PIBF1: variants seen among roughly 807,000 people sequenced by gnomAD.
PIBF1 encodes the protein progesterone-induced-blocking factor 1.
Under a neutral mutation model 112.5 loss-of-function variants are expected in PIBF1, and 90 were observed. That is an observed-to-expected ratio of 0.80 (90% confidence interval 0.67 to 0.95). The LOEUF (loss-of-function observed/expected upper bound fraction) is 0.95. Ranked by LOEUF, PIBF1 falls within the 40% of genes least tolerant of loss-of-function variation. PIBF1 has a pLI of 0.00. For missense variants in PIBF1, 915 were observed against 852.3 expected, an observed-to-expected ratio of 1.07 and a Z score of -0.92; for synonymous variants, 301 against 288.6, an observed-to-expected ratio of 1.04 and a Z score of -0.44.
chr13:72,999,852 T>G (rs779061111), intron 17 of PIBF1, among the ~76,000 whole-genome samples: 1 of 152,180 alleles, frequency 6.6e-6, no homozygotes, highest in Non-Finnish European at 1.5e-5. Flanking sequence ...GAGGATCACC[T>G]GAGGTCAGGA....
At chr13:72,819,358 T>C (rs557412850) in intron 5 of PIBF1, among the ~76,000 whole-genome samples, 10 of 152,134 alleles carry the variant, frequency 6.6e-5, no homozygotes, top group Admixed American at 3.9e-4. Flanking sequence ...TTCAGGAGTA[T>C]GCTTCATTCC....
intron 12 of PIBF1, among the ~76,000 whole-genome samples, chr13:72,915,563 T>C (rs1218282337): frequency 6.6e-6 from 1 of 152,182 alleles, no homozygotes; most frequent in Non-Finnish European, 1.5e-5. Flanking sequence ...CTCTCTCCTC[T>C]GAATTTAGAA....
intron 14 of PIBF1, among the ~76,000 whole-genome samples, chr13:72,955,429 A>G (rs1038973832): frequency 6.6e-6 from 1 of 152,022 alleles, no homozygotes; most frequent in Admixed American, 6.6e-5. Context: ...GCCAACCACC[A>G]CTGAAGTGGG....
At chr13:72,908,829 A>C (rs1204111669) in intron 12 of PIBF1, 148 bp downstream of exon 12, 3 of 567,948 alleles carry the variant, frequency 5.3e-6, no homozygotes, top group Non-Finnish European at 8.9e-6. Flanking sequence ...TGGGCAAATC[A>C]CTTGAGGTCA....
At chr13:72,831,667 G>A (rs560902350) in intron 8 of PIBF1, among the ~76,000 whole-genome samples, 18 of 152,258 alleles carry the variant, frequency 1.2e-4, no homozygotes, top group African/African-American at 4.1e-4. Flanking sequence ...CATTTGCTGA[G>A]GGGTGTTTTA....
chr13:72,821,996 A>G lies in PIBF1; in HGVS notation c.806+14A>G. The stretch of plus-strand genomic sequence containing the variant: ...TAAAGTCAAGAGGTAAGTAGTTAAA[A>G]TGGCTGCAGTAGTAGTTCTCTATTT... On this transcript the variant is annotated intron_variant, in intron 6 of 17. Coordinates refer to ENST00000326291, the MANE Select transcript of PIBF1 (RefSeq NM_006346.4). 6.2e-7 allele frequency: 1 copy of G among 1,601,612 alleles called. No individual in the cohort carries two copies. Among genetic ancestry groups the G allele is most frequent in the Non-Finnish European group, 8.5e-7 (1 of 1,174,456 alleles).
intron 10 of PIBF1, among the ~76,000 whole-genome samples, chr13:72,881,545 G>A (rs561488521): frequency 1.1e-3 from 163 of 151,864 alleles, no homozygotes; most frequent in Non-Finnish European, 1.6e-3. Flanking sequence ...GTGAAACCCC[G>A]TTTCTACTAA....
chr13:72,804,693 G>C (rs970616026), intron 5 of PIBF1, among the ~76,000 whole-genome samples: 4 of 152,164 alleles, frequency 2.6e-5, no homozygotes, highest in African/African-American at 9.7e-5. Flanking sequence ...TGTTTCTGCA[G>C]TTTTCTTAAT....
chr13:72,888,223 C>G (rs1426195474), intron 10 of PIBF1, among the ~76,000 whole-genome samples: 1 of 151,814 alleles, frequency 6.6e-6, no homozygotes, highest in Non-Finnish European at 1.5e-5. Context: ...ATTATGAGGC[C>G]AATTGAAAAT....
intron 8 of PIBF1, 137 bp from the exon 9 acceptor site, chr13:72,835,106 A>G (rs1254085319): frequency 4.5e-6 from 2 of 442,786 alleles, no homozygotes; most frequent in Non-Finnish European, 7.9e-6. Flanking sequence ...AAAACTTTAT[A>G]CTATTAATAG....
chr13:72,962,241 GTA>G (rs1400249954), intron 14 of PIBF1, among the ~76,000 whole-genome samples: 1 of 152,062 alleles, frequency 6.6e-6, no homozygotes, highest in Non-Finnish European at 1.5e-5. Context: ...AAATAAAATT[GTA>G]TATAGTACAC....
chr13:73,013,211 G>A (rs2044262395), intron 17 of PIBF1, among the ~76,000 whole-genome samples: 1 of 147,410 alleles, frequency 6.8e-6, no homozygotes, highest in Admixed American at 6.8e-5. Context: ...TGAGGCAGGA[G>A]AATGGCGTGA....
intron 2 of PIBF1, among the ~76,000 whole-genome samples, chr13:72,790,273 T>G (rs996538959): frequency 6.6e-6 from 1 of 152,152 alleles, no homozygotes; most frequent in Non-Finnish European, 1.5e-5. Flanking sequence ...TCCTAAGTTT[T>G]TGGCTTATTT....
chr13:72,997,044 T>C (rs2043697482), intron 16 of PIBF1, among the ~76,000 whole-genome samples: 1 of 152,180 alleles, frequency 6.6e-6, no homozygotes, highest in Admixed American at 6.5e-5. Context: ...GATCTTAGGA[T>C]AAAGCAAAGA....
At chr13:72,833,614 T>C (rs1013877008) in intron 8 of PIBF1, among the ~76,000 whole-genome samples, 5 of 152,208 alleles carry the variant, frequency 3.3e-5, no homozygotes, top group Admixed American at 2.6e-4. Flanking sequence ...TGATCTTTGC[T>C]CTGGAAGCTT....
At position 72,927,964 on chromosome 13, in the gene PIBF1, T is replaced by TATAC. The variant is rs1555316877; in HGVS notation, c.1731-3198_1731-3197insCATA. Among the ~76,000 whole-genome samples the TATAC allele has an allele frequency of 4.7e-4, 39 of 82,152 alleles. 1 individual carries two copies. Among genetic ancestry groups the TATAC allele is most frequent in the South Asian group, 1.5e-3 (4 of 2,734 alleles). The allele number at this position is 82,152 out of a possible 152,430, so 53.9% of individuals were successfully genotyped here. A position where few individuals can be genotyped will look rare whatever the true frequency, so the allele number is the denominator to read the frequency against. On this transcript the variant is annotated intron_variant, in intron 13 of 17. Coordinates refer to ENST00000326291, the MANE Select transcript of PIBF1 (RefSeq NM_006346.4). ...ATGTGTGTATATATATATATACACA[T>TATAC]ATATATATATATACATATATATATA...
intron 15 of PIBF1, chr13:72,970,715 T>A (rs2042865502): frequency 1.3e-5 from 2 of 152,178 alleles, no homozygotes; most frequent in Non-Finnish European, 2.9e-5. Context: ...AAAGGTAAGT[T>A]TCCACTGTTA....
chr13:72,979,839 A>G (rs923476767), intron 16 of PIBF1, among the ~76,000 whole-genome samples: 2 of 152,022 alleles, frequency 1.3e-5, no homozygotes, highest in African/African-American at 4.8e-5. Context: ...GGAGAATGGC[A>G]TGAACCCGGG....
At chr13:72,888,610 A>G (rs1484471035) in intron 10 of PIBF1, among the ~76,000 whole-genome samples, 1 of 152,162 alleles carries the variant, frequency 6.6e-6, no homozygotes, top group East Asian at 1.9e-4. Flanking sequence ...TAATCCGTTT[A>G]GAATTAAATA....
Sources: allele counts gnomAD v4.1 joint callset (sites outside exome capture counted in the v4.1 genomes callset), GRCh38; gene constraint gnomAD v4.1.1; transcripts MANE v1.5; gene names NCBI Gene and HGNC (gene_info 2026-07-23, HGNC 2026-07-21).